ARHGAP35: variants seen among roughly 807,000 people sequenced by gnomAD.
ARHGAP35 encodes Rho GTPase activating protein 35.
Under a neutral mutation model 111.1 loss-of-function variants are expected in ARHGAP35, and 15 were observed. The ratio of observed to expected loss-of-function variants is 0.13; its 90% confidence interval spans 0.09 to 0.21. The LOEUF is 0.21. Among genes scored for constraint, ARHGAP35 ranks in the 10% least tolerant of loss-of-function variants. ARHGAP35 has a pLI of 1.00. For missense variants in ARHGAP35, 1,262 were observed against 1,873.0 expected, an observed-to-expected ratio of 0.67 and a Z score of 6.02; for synonymous variants, 643 against 710.3, an observed-to-expected ratio of 0.91 and a Z score of 1.51.
Position 46,922,342 on chromosome 19 carries a change from A to G in ARHGAP35, c.3667A>G (p.Arg1223Gly), listed in dbSNP as rs1318933737. The G allele has an allele frequency of 6.2e-7, 1 of 1,600,892 alleles. No individual in the cohort carries two copies. The highest frequency in any genetic ancestry group is 8.5e-7 in the Non-Finnish European group (1 of 1,173,268). ...PRRRNILRSLRRNTKKPKPKP... is the reference protein window; with the variant it reads ...PRRRNILRSLGRNTKKPKPKP... ...GAGGAGGAATATTCTTCGCAGCCTA[A>G]GGAGGAACACTAAGGTAAGACACCA... Residue 1223 changes from arginine (R) to glycine (G), a missense_variant, in exon 2 of 7, where the codon AGG becomes GGG. Around this residue, in one of 8 missense-constraint regions of ARHGAP35, gnomAD observed 579 missense variants for 716.9 expected, o/e 0.81. Coordinates refer to ENST00000672722, the MANE Select transcript of ARHGAP35 (RefSeq NM_004491.5). This position sits in a 1 kb window ranked among gnomAD's most constrained non-coding sequence, Gnocchi z 4.0.
intron 1 of ARHGAP35, among the ~76,000 whole-genome samples, chr19:46,868,556 C>G (rs2122856341): frequency 6.6e-6 from 1 of 152,256 alleles, no homozygotes; most frequent in South Asian, 2.1e-4. Context: ...ACCAGCTTGC[C>G]TTTTTAGCCA....
At chr19:46,888,702 C>A (rs938320208) in intron 1 of ARHGAP35, among the ~76,000 whole-genome samples, 1 of 151,810 alleles carries the variant, frequency 6.6e-6, no homozygotes, top group South Asian at 2.1e-4. Context: ...TTGTTTAAAA[C>A]CTGTTCTTTG....
intron 1 of ARHGAP35, among the ~76,000 whole-genome samples, chr19:46,898,392 A>AT (rs1244048343): frequency 6.6e-5 from 10 of 152,208 alleles, no homozygotes; most frequent in Non-Finnish European, 1.5e-4. Flanking sequence ...AAACAACTAA[A>AT]TACACAGCCA....
chr19:46,930,919 C>T lies in ARHGAP35; in HGVS notation c.3682-6345C>T, dbSNP rs551726653. Among the ~76,000 whole-genome samples, 3 of 151,918 alleles carry T rather than the reference C, an allele frequency of 2.0e-5. No homozygotes were observed. The South Asian group carries it at 6.3e-4, about 32-fold the overall frequency. On this transcript the variant is annotated intron_variant, in intron 2 of 6. Transcript: ENST00000672722. ...TTTGTTATGTGGCCTTGGGGTGATTCATAAATTCATTAAAAAAAAACAAAC... is the reference window on the plus strand; with the variant it reads ...TTTGTTATGTGGCCTTGGGGTGATTTATAAATTCATTAAAAAAAAACAAAC...
intron 3 of ARHGAP35, among the ~76,000 whole-genome samples, chr19:46,983,960 G>A (rs1352540411): frequency 1.3e-5 from 2 of 152,004 alleles, no homozygotes; most frequent in Admixed American, 1.3e-4. Context: ...TAGAACCATT[G>A]GAACAAGACT....
intron 1 of ARHGAP35, among the ~76,000 whole-genome samples, chr19:46,871,645 C>T (rs116535963): frequency 0.02 from 2,998 of 151,572 alleles, 104 homozygotes; most frequent in African/African-American, 0.067. Context: ...GCCCGTCCAG[C>T]AATGTTTTAA....
chr19:46,982,771 G>A (rs959210116), intron 3 of ARHGAP35, among the ~76,000 whole-genome samples: 3 of 151,912 alleles, frequency 2.0e-5, no homozygotes, highest in South Asian at 2.1e-4. Flanking sequence ...GAGGCCAGGC[G>A]CAATGGCCCA....
intron 1 of ARHGAP35, among the ~76,000 whole-genome samples, chr19:46,881,167 A>G (rs148997403): frequency 6.6e-6 from 1 of 150,544 alleles, no homozygotes; most frequent in African/African-American, 2.4e-5. Context: ...CTGGTCTTGA[A>G]CTCCTGATGT....
At position 46,919,779 on chromosome 19, in the gene ARHGAP35, G is replaced by C. The variant is rs1031184243; in HGVS notation, c.1104G>C (p.Lys368Asn). 2.5e-6 allele frequency: 4 copies of C among 1,613,892 alleles called. No individual in the cohort carries two copies. In the African/African-American group the frequency reaches 5.3e-5, roughly 22 times the overall value. Residue 368 changes from lysine to asparagine, a missense_variant, in exon 2 of 7, where the codon AAG becomes AAC. This residue lies in a region of ARHGAP35 where 328 missense variants were observed against 440.8 expected (regional missense o/e 0.74). Coordinates refer to ENST00000672722, the MANE Select transcript of ARHGAP35 (RefSeq NM_004491.5). The surrounding 1 kb of genome is among the most constrained non-coding windows in gnomAD (Gnocchi z 6.2). ...IDHLSCIKAK[K>N]LLETKPEFLK... ...ACCTAAGCTGCATAAAAGCCAAAAA[G>C]CTCTTAGAAACCAAGCCAGAATTCT...
chr19:46,874,619 C>T (rs1398002762), intron 1 of ARHGAP35, among the ~76,000 whole-genome samples: 2 of 150,908 alleles, frequency 1.3e-5, no homozygotes, highest in South Asian at 2.1e-4. Context: ...ATTCTCCTGC[C>T]TCAGCCTCCT....
intron 2 of ARHGAP35, among the ~76,000 whole-genome samples, chr19:46,923,394 G>C (rs193132411): frequency 1.3e-5 from 2 of 152,222 alleles, no homozygotes; most frequent in East Asian, 3.9e-4. Flanking sequence ...GACTATAGGC[G>C]TGAGCCACCG....
At chr19:46,886,933 A>G (rs2055995914) in intron 1 of ARHGAP35, among the ~76,000 whole-genome samples, 1 of 152,170 alleles carries the variant, frequency 6.6e-6, no homozygotes, top group South Asian at 2.1e-4. Flanking sequence ...GAGAGAGATT[A>G]AAAAGGATTT....
At chr19:46,935,160 C>A (rs890596698) in intron 2 of ARHGAP35, among the ~76,000 whole-genome samples, 4 of 152,284 alleles carry the variant, frequency 2.6e-5, no homozygotes, top group African/African-American at 9.6e-5. Context: ...AGCAGCCATT[C>A]CCCCGAACCT....
intron 3 of ARHGAP35, among the ~76,000 whole-genome samples, chr19:46,982,203 G>A (rs145711260): frequency 2.4e-3 from 371 of 152,248 alleles, no homozygotes; most frequent in African/African-American, 8.7e-3. Flanking sequence ...GGAGCCGGGT[G>A]CGGTGGCTCA....
chr19:46,963,434 C>T (rs371277258), intron 3 of ARHGAP35, among the ~76,000 whole-genome samples: 42 of 152,302 alleles, frequency 2.8e-4, no homozygotes, highest in African/African-American at 1.0e-3. Flanking sequence ...TCACTTTCTT[C>T]TCTTTTGCTT....
chr19:46,978,593 TGGGGGGG>T (rs1184719981), intron 3 of ARHGAP35, among the ~76,000 whole-genome samples: 1 of 77,904 alleles, frequency 1.3e-5, no homozygotes, highest in African/African-American at 4.6e-5. Flanking sequence ...GTGGGGCGTG[TGGGGGGG>T]GTGTGGTGTG....
chr19:46,931,773 A>T (rs183857330), intron 2 of ARHGAP35, among the ~76,000 whole-genome samples: 2 of 152,332 alleles, frequency 1.3e-5, no homozygotes, highest in Admixed American at 6.5e-5. Context: ...ATGCAGGGGA[A>T]AGAGCATGGG....
In ARHGAP35 at chr19:47,002,433, A is replaced by G. The variant is rs1167672029; in HGVS notation, c.*1745A>G. On this transcript the variant is annotated 3_prime_UTR_variant, in exon 7 of 7. Coordinates refer to ENST00000672722, the MANE Select transcript of ARHGAP35 (RefSeq NM_004491.5). ...TGCAAGTTTTACCGCCTTTTGAGGA[A>G]CACAAATCGGAGAACAAACCCAGGG... The G allele has an allele frequency of 6.6e-6, 1 of 152,322 alleles. No individual in the cohort carries two copies. Among genetic ancestry groups the G allele is most frequent in the Non-Finnish European group, 1.5e-5 (1 of 68,034 alleles). 9.4% of individuals were successfully genotyped at this position (152,322 alleles called of 1,614,324 possible).
intron 3 of ARHGAP35, among the ~76,000 whole-genome samples, chr19:46,950,719 GC>G (rs2056407239): frequency 6.6e-6 from 1 of 152,078 alleles, no homozygotes; most frequent in South Asian, 2.1e-4. Context: ...GGCCTGGCTG[GC>G]CCTCCATTAC....
Sources: allele counts gnomAD v4.1 joint callset (sites outside exome capture counted in the v4.1 genomes callset), GRCh38; gene constraint gnomAD v4.1.1; regional missense constraint gnomAD v4.1.1; non-coding constraint Gnocchi (gnomAD v3.1); transcripts MANE v1.5; gene names NCBI Gene and HGNC (gene_info 2026-07-23, HGNC 2026-07-21).